DDN: variants seen among roughly 807,000 people sequenced by gnomAD.
DDN encodes dendrin.
DDN carries 4 observed loss-of-function variants against 7.3 expected under a neutral mutation model. That is an observed-to-expected ratio of 0.55 (90% CI 0.27 to 1.25). The LOEUF (loss-of-function observed/expected upper bound fraction) is 1.25. Among genes scored for constraint, DDN ranks in the 50% most tolerant of loss-of-function variants. The pLI is 0.12. For missense variants in DDN, 933 were observed against 974.7 expected (o/e 0.96, Z 0.57); for synonymous variants, 425 against 424.3 (o/e 1.00, Z -0.02).
chr12:48,997,147 C>G lies in DDN; in HGVS notation c.1729G>C (p.Ala577Pro). 1 of 1,532,360 alleles carries G rather than the reference C, an allele frequency of 6.5e-7. No homozygotes were observed. Among genetic ancestry groups the G allele is most frequent in the Non-Finnish European group, 8.7e-7 (1 of 1,144,244 alleles). The allele number at this position is 1,532,360 out of a possible 1,614,324, so 94.9% of individuals were successfully genotyped here. ...SPEHQALGPA[A>P]SGAQGRAEGS... is the part of the protein sequence containing the mutation. ...TCGGCTCTGCCCTGGGCTCCCGAAG[C>G]TGCTGGGCCTAAGGCTTGGTGCTCT... is the stretch of plus-strand genomic sequence containing the variant. The change falls in exon 2 of 2, where the codon GCT (alanine) becomes CCT (proline). Residue 577 changes from alanine (A) to proline (P), a missense_variant. Coordinates refer to ENST00000421952, the MANE Select transcript of DDN (RefSeq NM_015086.2).
chr12:48,997,488 C>G lies in DDN; in HGVS notation c.1388G>C (p.Arg463Pro), dbSNP rs1941225948. Residue 463 changes from arginine to proline, a missense_variant, in exon 2 of 2, where the codon CGA becomes CCA. Physicochemically the swap from Arg to Pro is moderately radical, Grantham distance 103. Transcript: ENST00000421952. Reference protein sequence around the residue: ...FVIDATCVVIRSQYVPTPRTQ... With the variant: ...FVIDATCVVIPSQYVPTPRTQ... ...TCGGGGGGTTGGAACATATTGGGAT[C>G]GTATCACTACGCACGTGGCGTCAAT... is the stretch of plus-strand genomic sequence containing the variant. The G allele has an allele frequency of 6.2e-7, 1 of 1,611,166 alleles. No homozygotes were observed. The highest frequency in any genetic ancestry group is 1.3e-5 in the African/African-American group (1 of 75,018).
Position 48,998,513 on chromosome 12 carries a change from C to T in DDN, c.363G>A (p.Glu121=). The part of the protein sequence containing the change: ...EKRKAASQER[E]AKETERKRRK... Reference sequence around the variant, plus strand: ...GCCTTTTTCGCTCGGTCTCCTTGGCCTCCCGCTCCTGCGACGCCGCTTTCC... The same window carrying T: ...GCCTTTTTCGCTCGGTCTCCTTGGCTTCCCGCTCCTGCGACGCCGCTTTCC... The change falls in exon 2 of 2, where the codon GAG becomes GAA. Residue 121 remains glutamate, a synonymous_variant. Coordinates refer to ENST00000421952, the MANE Select transcript of DDN (RefSeq NM_015086.2). 3 of 1,593,878 alleles carry T rather than the reference C, an allele frequency of 1.9e-6. No homozygotes were observed. Among genetic ancestry groups the T allele is most frequent in the Non-Finnish European group, 2.5e-6 (3 of 1,177,344 alleles).
At chr12:48,998,956 G>A (rs1941259521) in intron 1 of DDN, 123 bp downstream of exon 1, 2 of 1,163,574 alleles carry the variant, frequency 1.7e-6, no homozygotes, top group South Asian at 2.9e-5. Context: ...CCTCGGGAGC[G>A]GGCAGAGGTG....
At position 48,997,083 on chromosome 12, in the gene DDN, C is replaced by A; in HGVS notation, c.1793G>T (p.Arg598Leu). The A allele has an allele frequency of 6.6e-7, 1 of 1,523,258 alleles. No homozygotes were observed. The highest frequency in any genetic ancestry group is 8.7e-7 in the Non-Finnish European group (1 of 1,143,838). The allele number at this position is 1,523,258 out of a possible 1,614,324, so 94.4% of individuals were successfully genotyped here. Residue 598 changes from arginine (R) to leucine (L), a missense_variant, in exon 2 of 2, where the codon CGG becomes CTG. Physicochemically the swap from Arg to Leu is moderately radical, Grantham distance 102. Coordinates refer to ENST00000421952, the MANE Select transcript of DDN (RefSeq NM_015086.2). ...GGGCCCTGGGGTCCGCGCCCAGCCC[C>A]GGCCGGCGCGCCGCTGGACCACCGC... ...EVAVVQRRAG[R>L]GWARTPGPYA...
rs1166013946 is a variant in DDN, at chr12:48,997,616, C to T, written c.1260G>A (p.Glu420=). 1.3e-6 allele frequency: 2 copies of T among 1,552,612 alleles called. No homozygotes were observed. The highest frequency in any genetic ancestry group is 1.7e-6 in the Non-Finnish European group (2 of 1,148,492). ...TGWRESLGLG[E]GAGPETLEGW... Reference sequence around the variant, plus strand: ...CCTCCAGGGTCTCCGGTCCTGCCCCCTCTCCAAGACCCAGAGATTCTCTCC... The same window carrying T: ...CCTCCAGGGTCTCCGGTCCTGCCCCTTCTCCAAGACCCAGAGATTCTCTCC... The change falls in exon 2 of 2, where the codon GAG becomes GAA. Residue 420 remains glutamate, a synonymous_variant. Transcript: ENST00000421952.
rs754847561 is a variant in DDN at position 48,998,008 on chromosome 12, C to T, written c.868G>A (p.Gly290Arg). The change falls in exon 2 of 2, where the codon GGG becomes AGG. Residue 290 changes from glycine (G) to arginine (R), a missense_variant. Coordinates refer to ENST00000421952, the MANE Select transcript of DDN (RefSeq NM_015086.2). ...GGGGATCCCCCCAAGAGACCTTGCC[C>T]CTGTCGGAGACCCCAAGCCCCGAGG... ...DVLGAWGLRQ[G>R]QGLLGGSPGC... 7 of 1,613,490 alleles carry T rather than the reference C, an allele frequency of 4.3e-6. No homozygotes were observed. Among genetic ancestry groups the T allele is most frequent in the Non-Finnish European group, 5.1e-6 (6 of 1,180,034 alleles).
Position 48,997,384 on chromosome 12 carries a change from C to T in DDN, c.1492G>A (p.Glu498Lys), listed in dbSNP as rs778979850. 1.2e-6 allele frequency: 2 copies of T among 1,613,746 alleles called. No individual in the cohort carries two copies. The highest frequency in any genetic ancestry group is 1.3e-5 in the African/African-American group (1 of 74,956). Residue 498 changes from glutamate (E) to lysine (K), a missense_variant, in exon 2 of 2, where the codon GAG becomes AAG. By Grantham distance (56) the Glu-to-Lys change is moderately conservative. Transcript: ENST00000421952. The part of the protein sequence containing the change: ...DSPSQSKPGK[E>K]EGEGATVFPS... ...AAGACCGTGGCCCCTTCACCCTCCT[C>T]CTTGCCGGGCTTCGATTGGCTGGGG...
Position 48,998,199 on chromosome 12 carries a change from G to A in DDN, c.677C>T (p.Pro226Leu). The A allele has an allele frequency of 6.2e-7, 1 of 1,612,722 alleles. No individual in the cohort carries two copies. The highest frequency in any genetic ancestry group is 1.1e-5 in the South Asian group (1 of 91,066). ...APRRRWDRPP[P>L]YVAPPSYEGP... ...TTCGTAAGAAGGTGGAGCCACGTAG[G>A]GTGGCGGCCGGTCCCAGCGGCGTCG... The change falls in exon 2 of 2, where the codon CCC becomes CTC. Residue 226 changes from proline (P) to leucine (L), a missense_variant. By Grantham distance (98) the Pro-to-Leu change is moderately conservative. Coordinates refer to ENST00000421952, the MANE Select transcript of DDN (RefSeq NM_015086.2).
Position 48,997,327 on chromosome 12 carries a change from T to C in DDN, c.1549A>G (p.Ser517Gly). Residue 517 changes from serine to glycine, a missense_variant, in exon 2 of 2, where the codon AGT (serine) becomes GGT (glycine). By Grantham distance (56) the Ser-to-Gly change is moderately conservative. Coordinates refer to ENST00000421952, the MANE Select transcript of DDN (RefSeq NM_015086.2). The stretch of plus-strand genomic sequence containing the variant: ...CCGCCGGGCTGGTGTAAAAGGCGAC[T>C]GCTCGACAGCCGCTTTTGACAAGGG... ...PSPCQKRLSS[S>G]RLLHQPGGGR... 6.2e-7 allele frequency: 1 copy of C among 1,609,998 alleles called. No homozygotes were observed. The highest frequency in any genetic ancestry group is 8.5e-7 in the Non-Finnish European group (1 of 1,178,534).
intron 1 of DDN, 34 bp downstream of exon 1, chr12:48,999,045 A>G (rs1302399708): frequency 6.2e-7 from 1 of 1,607,204 alleles, no homozygotes; most frequent in Non-Finnish European, 8.5e-7. Context: ...TCCCCGCCCC[A>G]CCACTCTCTT....
In DDN at chr12:48,997,414, C is replaced by G. The variant is rs535073539; in HGVS notation, c.1462G>C (p.Asp488His). The change falls in exon 2 of 2, where the codon GAT becomes CAT. Residue 488 changes from aspartate (D) to histidine (H), a missense_variant. Physicochemically the swap from Asp to His is moderately conservative, Grantham distance 81 (BLOSUM62 -1). Transcript: ENST00000421952. ...LPSGVTRVVG[D>H]SPSQSKPGKE... ...CCGGGCTTCGATTGGCTGGGGGAAT[C>G]CCCCACCACGCGTGTCACCCCAGAG... is the stretch of plus-strand genomic sequence containing the variant. The G allele has an allele frequency of 6.2e-7, 1 of 1,614,026 alleles. No homozygotes were observed. The highest frequency in any genetic ancestry group is 1.1e-5 in the South Asian group (1 of 91,088).
At position 48,995,257 on chromosome 12, in the gene DDN, G is replaced by T; in HGVS notation, c.*1483C>A. On this transcript the variant is annotated 3_prime_UTR_variant, in exon 2 of 2. Coordinates refer to ENST00000421952, the MANE Select transcript of DDN (RefSeq NM_015086.2). Reference sequence around the variant, plus strand: ...CTCACAACAACCCTGCGAGGTAGGTGTTTATAAACCCCCATTTGACAGATG... The same window carrying T: ...CTCACAACAACCCTGCGAGGTAGGTTTTTATAAACCCCCATTTGACAGATG... 6.5e-6 allele frequency: 1 copy of T among 154,412 alleles called. No homozygotes were observed. 9.6% of individuals were successfully genotyped at this position (154,412 alleles called of 1,614,324 possible). A position where few individuals can be genotyped will look rare whatever the true frequency, so the allele number is the denominator to read the frequency against.
rs1378178891 is a variant in DDN at position 48,998,007 on chromosome 12, C to A, written c.869G>T (p.Gly290Val). The A allele has an allele frequency of 1.2e-6, 2 of 1,613,584 alleles. No individual in the cohort carries two copies. Among genetic ancestry groups the A allele is most frequent in the Non-Finnish European group, 1.7e-6 (2 of 1,180,026 alleles). Residue 290 changes from glycine to valine, a missense_variant, in exon 2 of 2, where the codon GGG becomes GTG. By Grantham distance (109) the Gly-to-Val change is moderately radical. Coordinates refer to ENST00000421952, the MANE Select transcript of DDN (RefSeq NM_015086.2). Reference protein sequence around the residue: ...DVLGAWGLRQGQGLLGGSPGC... With the variant: ...DVLGAWGLRQVQGLLGGSPGC... Reference sequence around the variant, plus strand: ...TGGGGATCCCCCCAAGAGACCTTGCCCCTGTCGGAGACCCCAAGCCCCGAG... The same window carrying A: ...TGGGGATCCCCCCAAGAGACCTTGCACCTGTCGGAGACCCCAAGCCCCGAG...
rs748378759 is a variant in DDN, at chr12:48,997,310, C to A, written c.1566G>T (p.Gln522His). 108 of 1,609,732 alleles carry A rather than the reference C, an allele frequency of 6.7e-5. No individual in the cohort carries two copies. The highest frequency in any genetic ancestry group is 9.1e-5 in the Non-Finnish European group (107 of 1,178,554). The change falls in exon 2 of 2, where the codon CAG becomes CAT. Residue 522 changes from glutamine to histidine, a missense_variant. Transcript: ENST00000421952. ...CTTCGCCCCCGCGGCCCCCGCCGGG[C>A]TGGTGTAAAAGGCGACTGCTCGACA... is the stretch of plus-strand genomic sequence containing the variant. ...KRLSSSRLLH[Q>H]PGGGRGGEAE...
At position 48,996,630 on chromosome 12, in the gene DDN, A is replaced by G. The variant is rs1175994821; in HGVS notation, c.*110T>C. 4 of 1,456,416 alleles carry G rather than the reference A, an allele frequency of 2.7e-6. No individual in the cohort carries two copies. The highest frequency in any genetic ancestry group is 3.7e-6 in the Non-Finnish European group (4 of 1,094,480). The allele number at this position is 1,456,416 out of a possible 1,614,324, so 90.2% of individuals were successfully genotyped here. A position where few individuals can be genotyped will look rare whatever the true frequency, so the allele number is the denominator to read the frequency against. ...TTATATTTCAAGGATGAGAACAGGT[A>G]TGGGTAAAGATACAAGGAAAAGAGA... is the stretch of plus-strand genomic sequence containing the variant. On this transcript the variant is annotated 3_prime_UTR_variant, in exon 2 of 2. Coordinates refer to ENST00000421952, the MANE Select transcript of DDN (RefSeq NM_015086.2).
chr12:48,998,275 G>C lies in DDN; in HGVS notation c.601C>G (p.Pro201Ala), dbSNP rs1008150748. Reference protein sequence around the residue: ...GPWGGRRPGPPSYEAHLLLRG... With the variant: ...GPWGGRRPGPASYEAHLLLRG... ...AGCAGCAGGTGAGCCTCGTAGCTTG[G>C]GGGCCCGGGCCGCCGACCTCCCCAG... Residue 201 changes from proline to alanine, a missense_variant, in exon 2 of 2, where the codon CCA (proline) becomes GCA (alanine). Pro to Ala is a conservative substitution (Grantham distance 27). Transcript: ENST00000421952. 1 of 1,605,792 alleles carries C rather than the reference G, an allele frequency of 6.2e-7. No individual in the cohort carries two copies. Among genetic ancestry groups the C allele is most frequent in the Non-Finnish European group, 8.5e-7 (1 of 1,176,942 alleles).
rs762096004 is a variant in DDN at position 48,999,161 on chromosome 12, A to G, written c.127T>C (p.Cys43Arg). The G allele has an allele frequency of 2.5e-6, 4 of 1,614,054 alleles. No individual in the cohort carries two copies. The highest frequency in any genetic ancestry group is 2.2e-5 in the East Asian group (1 of 44,858). The change falls in exon 1 of 2, where the codon TGT becomes CGT. Residue 43 changes from cysteine (C) to arginine (R), a missense_variant. Physicochemically the swap from Cys to Arg is radical, Grantham distance 180 (BLOSUM62 -3). Coordinates refer to ENST00000421952, the MANE Select transcript of DDN (RefSeq NM_015086.2). ...GAAGGGGCGCGGCGACTATAATGAC[A>G]GGAAATAGTCTTCACTTCTATCACC... is the stretch of plus-strand genomic sequence containing the variant. ...LLVIEVKTIS[C>R]HYSRRAPSRQ...
Position 48,997,973 on chromosome 12 carries a change from T to A in DDN, c.903A>T (p.Gly301=). 4 of 1,613,154 alleles carry A rather than the reference T, an allele frequency of 2.5e-6. No individual in the cohort carries two copies. Among genetic ancestry groups the A allele is most frequent in the Non-Finnish European group, 3.4e-6 (4 of 1,179,988 alleles). Residue 301 remains glycine (G), a synonymous_variant, in exon 2 of 2, where the codon GGA becomes GGT. Coordinates refer to ENST00000421952, the MANE Select transcript of DDN (RefSeq NM_015086.2). ...QGLLGGSPGC[G]AARARPEPGK... The stretch of plus-strand genomic sequence containing the variant: ...CGGGCTCTGGCCTTGCTCTGGCCGC[T>A]CCACAGCCTGGGGATCCCCCCAAGA...
chr12:48,997,598 G>A lies in DDN; in HGVS notation c.1278C>T (p.Thr426=). The change falls in exon 2 of 2, where the codon ACC becomes ACT. Residue 426 remains threonine, a synonymous_variant. Coordinates refer to ENST00000421952, the MANE Select transcript of DDN (RefSeq NM_015086.2). ...LGLGEGAGPE[T]LEGWKATRRA... is the part of the protein sequence containing the mutation. ...GGCGGGTCGCCTTCCAACCCTCCAG[G>A]GTCTCCGGTCCTGCCCCCTCTCCAA... is the stretch of plus-strand genomic sequence containing the variant. 1.9e-6 allele frequency: 3 copies of A among 1,570,056 alleles called. No individual in the cohort carries two copies. The South Asian group carries it at 3.6e-5, about 19-fold the overall frequency.
Sources: gnomAD v4.1 joint callset for allele counts on GRCh38, gnomAD v4.1.1 for gene constraint, MANE v1.5 for transcripts, NCBI Gene and HGNC (gene_info 2026-07-23, HGNC 2026-07-21) for gene names.